The following CABIN1 variants were observed in gnomAD, a reference collection of about 807,000 sequenced individuals.
CABIN1 encodes calcineurin-binding protein cabin-1.
CABIN1 carries 133 observed loss-of-function variants against 227.7 expected under a neutral mutation model. That is an observed-to-expected ratio of 0.58 (90% CI 0.51 to 0.67). The LOEUF is 0.67. CABIN1 is among the 30% of genes least tolerant of loss of function. The pLI is 0.00. For synonymous variants in CABIN1, 1,086 were observed against 1,155.1 expected, an observed-to-expected ratio of 0.94 and a Z score of 1.21; for missense variants, 2,408 against 2,852.5, an observed-to-expected ratio of 0.84 and a Z score of 3.55.
intron 1 of CABIN1, among the ~76,000 whole-genome samples, chr22:24,015,934 G>A (rs1208384250): frequency 6.6e-6 from 1 of 152,134 alleles, no homozygotes; most frequent in Non-Finnish European, 1.5e-5. Flanking sequence ...CTCCAGCCAG[G>A]GCGACAGGGC....
chr22:24,064,285 AAC>A, intron 15 of CABIN1, 98 bp downstream of exon 15: 1 of 1,279,998 alleles, frequency 7.8e-7, no homozygotes. Flanking sequence ...GGCTCACTGC[AAC>A]CTACACCTCT....
At chr22:24,165,837 A>C (rs2046414406) in intron 31 of CABIN1, among the ~76,000 whole-genome samples, 1 of 152,200 alleles carries the variant, frequency 6.6e-6, no homozygotes, top group Non-Finnish European at 1.5e-5. Context: ...TCATGGATGC[A>C]CTTGGTGATT....
intron 15 of CABIN1, among the ~76,000 whole-genome samples, chr22:24,065,434 A>G (rs1329376487): frequency 1.4e-5 from 2 of 147,066 alleles, no homozygotes; most frequent in East Asian, 2.1e-4. Flanking sequence ...CGCTCCCCAC[A>G]TCTCAGACGA....
chr22:24,019,363 T>C (rs912946091), intron 1 of CABIN1, among the ~76,000 whole-genome samples: 4 of 151,598 alleles, frequency 2.6e-5, no homozygotes, highest in African/African-American at 9.7e-5. Flanking sequence ...AACTCCTGAC[T>C]TCTTGATCCT....
intron 29 of CABIN1, among the ~76,000 whole-genome samples, chr22:24,161,506 G>A (rs1371146503): frequency 6.6e-6 from 1 of 152,174 alleles, no homozygotes; most frequent in Non-Finnish European, 1.5e-5. Flanking sequence ...GGCCAGAGGA[G>A]ACCCTCCTCG....
chr22:24,105,981 C>A (rs1178469619), intron 26 of CABIN1, among the ~76,000 whole-genome samples: 1 of 152,186 alleles, frequency 6.6e-6, no homozygotes, highest in Non-Finnish European at 1.5e-5. Flanking sequence ...CCACAGGATC[C>A]CAAAGATCCT....
chr22:24,143,687 G>C (rs2044924690), intron 29 of CABIN1, among the ~76,000 whole-genome samples: 1 of 152,164 alleles, frequency 6.6e-6, no homozygotes, highest in African/African-American at 2.4e-5. Flanking sequence ...CTTATTGGGG[G>C]CTTGATCGGG....
chr22:24,164,158 G>A (rs891559610), intron 29 of CABIN1, among the ~76,000 whole-genome samples: 1 of 152,220 alleles, frequency 6.6e-6, no homozygotes, highest in Non-Finnish European at 1.5e-5. Flanking sequence ...ATGAGATGCA[G>A]CCATACAAAA....
intron 28 of CABIN1, among the ~76,000 whole-genome samples, chr22:24,129,568 G>A (rs1374923884): frequency 6.6e-6 from 1 of 152,170 alleles, no homozygotes; most frequent in Non-Finnish European, 1.5e-5. Context: ...TCTTCCTGTG[G>A]GCAACTATTG....
At chr22:24,095,577 T>G (rs2147319814) in intron 24 of CABIN1, among the ~76,000 whole-genome samples, 1 of 152,272 alleles carries the variant, frequency 6.6e-6, no homozygotes, top group South Asian at 2.1e-4. Context: ...ACTCACTTTC[T>G]ATGGGTGCCC....
At chr22:24,048,253 A>G (rs1017111935) in intron 6 of CABIN1, among the ~76,000 whole-genome samples, 5 of 152,128 alleles carry the variant, frequency 3.3e-5, no homozygotes, top group East Asian at 3.9e-4. Flanking sequence ...GAGTCACACT[A>G]TGTGACCTCT....
At chr22:24,136,290 G>GC in intron 29 of CABIN1, among the ~76,000 whole-genome samples, 1 of 150,426 alleles carries the variant, frequency 6.6e-6, no homozygotes, top group Non-Finnish European at 1.5e-5. Flanking sequence ...CTTTTTGATA[G>GC]CTACTGCATA....
chr22:24,171,936 C>T lies in CABIN1; in HGVS notation c.5981C>T (p.Pro1994Leu), dbSNP rs1361061172. 6 of 1,613,838 alleles carry T rather than the reference C, an allele frequency of 3.7e-6. No homozygotes were observed. Among genetic ancestry groups the T allele is most frequent in the Non-Finnish European group, 5.1e-6 (6 of 1,180,042 alleles). Residue 1994 changes from proline (P) to leucine (L), a missense_variant, in exon 34 of 37, where the codon CCT (proline) becomes CTT (leucine). Pro to Leu is a moderately conservative substitution (Grantham distance 98). This residue lies in a region of CABIN1 where 714 missense variants were observed against 773.8 expected (regional missense o/e 0.92). Coordinates refer to ENST00000263119, the MANE Select transcript of CABIN1 (RefSeq NM_012295.4). ...TCCACCCTGGACCAGTCCAAGGACCCTGGGCCTCCCCGGCCACACAGGCCT... is the reference window on the plus strand; with the variant it reads ...TCCACCCTGGACCAGTCCAAGGACCTTGGGCCTCCCCGGCCACACAGGCCT... ...SASTLDQSKD[P>L]GPPRPHRPEA...
At chr22:24,042,872 GTGTGTT>G (rs746723400) in intron 5 of CABIN1, 26 bp from the exon 6 acceptor site, 63 of 1,371,598 alleles carry the variant, frequency 4.6e-5, no homozygotes, top group African/African-American at 2.2e-4. Flanking sequence ...GTGTGTGTGT[GTGTGTT>G]TGCCCTCTGC....
In CABIN1 at chr22:24,063,027, T is replaced by C; in HGVS notation, c.1765T>C (p.Cys589Arg). 2 of 1,614,226 alleles carry C rather than the reference T, an allele frequency of 1.2e-6. No individual in the cohort carries two copies. Among genetic ancestry groups the C allele is most frequent in the African/African-American group, 1.3e-5 (1 of 75,056 alleles). Residue 589 changes from cysteine (C) to arginine (R), a missense_variant, in exon 14 of 37, where the codon TGC becomes CGC. By Grantham distance (180) the Cys-to-Arg change is radical (BLOSUM62 -3). Around this residue, in one of 3 missense-constraint regions of CABIN1, gnomAD observed 1,045 missense variants for 1,168.4 expected, o/e 0.89. Coordinates refer to ENST00000263119, the MANE Select transcript of CABIN1 (RefSeq NM_012295.4). The part of the protein sequence containing the change: ...RFGPDFPGTH[C>R]LGDLLQLSFA... ...TGGACCTGACTTCCCAGGGACCCAC[T>C]GCCTGGGTGACCTCCTACAGCTGTC...
At chr22:24,122,151 C>T (rs1182485304) in intron 28 of CABIN1, among the ~76,000 whole-genome samples, 1 of 142,094 alleles carries the variant, frequency 7.0e-6, no homozygotes, top group Non-Finnish European at 1.5e-5. Context: ...ACACAAAATG[C>T]TGTTATTACA....
At chr22:24,137,965 T>C (rs923821603) in intron 29 of CABIN1, among the ~76,000 whole-genome samples, 31 of 152,256 alleles carry the variant, frequency 2.0e-4, no homozygotes, top group African/African-American at 7.5e-4. Flanking sequence ...GCAAAGGCAG[T>C]AGGTGGGTGC....
At chr22:24,059,386 A>G in intron 11 of CABIN1, 23 bp downstream of exon 11, 1 of 1,613,722 alleles carries the variant, frequency 6.2e-7, no homozygotes, top group Non-Finnish European at 8.5e-7. Flanking sequence ...CAGTGTGACC[A>G]TTCACTTTGG....
rs547382601 is a variant in CABIN1 at position 24,095,660 on chromosome 22, C to G, written c.3787-271C>G. On this transcript the variant is annotated intron_variant, in intron 24 of 36. Coordinates refer to ENST00000263119, the MANE Select transcript of CABIN1 (RefSeq NM_012295.4). ...CCAGTGAACGGAGCTGAAGGGTTATCATAATGAGTGGTTATTACTCTCATC... is the reference window on the plus strand; with the variant it reads ...CCAGTGAACGGAGCTGAAGGGTTATGATAATGAGTGGTTATTACTCTCATC... 3.3e-5 allele frequency among the ~76,000 whole-genome samples: 5 copies of G among 152,060 alleles called. No individual in the cohort carries two copies. In the East Asian group the frequency reaches 7.7e-4, roughly 23 times the overall value.
Sources: allele counts gnomAD v4.1 joint callset (sites outside exome capture counted in the v4.1 genomes callset), GRCh38; gene constraint gnomAD v4.1.1; regional missense constraint gnomAD v4.1.1; transcripts MANE v1.5; gene names NCBI Gene and HGNC (gene_info 2026-07-23, HGNC 2026-07-21).